The following LINGO2 variants were observed in gnomAD, a reference collection of about 807,000 sequenced individuals.
LINGO2 encodes leucine-rich repeat and immunoglobulin-like domain-containing nogo receptor-interacting protein 2.
Under a neutral mutation model 30.6 loss-of-function variants are expected in LINGO2, and 14 were observed. That is an observed-to-expected ratio of 0.46 (90% confidence interval 0.30 to 0.72). The LOEUF is 0.72. Ranked by LOEUF, LINGO2 falls within the 30% of genes least tolerant of loss-of-function variation. The pLI is 0.07. For missense variants in LINGO2, 729 were observed against 751.7 expected (o/e 0.97, Z 0.35); for synonymous variants, 317 against 288.5 (o/e 1.10, Z -1.00).
At chr9:28,676,414 T>C in the LINGO2 span, among the ~76,000 whole-genome samples, 2 of 152,154 alleles carry the variant, frequency 1.3e-5, no homozygotes, top group African/African-American at 2.4e-5. Flanking sequence ...TACTACTTGA[T>C]TGACTCTCTC....
the LINGO2 span, among the ~76,000 whole-genome samples, chr9:28,893,235 G>C: frequency 6.6e-6 from 1 of 151,378 alleles, no homozygotes; most frequent in African/African-American, 2.4e-5. Flanking sequence ...GCATGAATTG[G>C]GACCGTATTA....
At chr9:28,008,117 C>G (rs1822358885) in intron 5 of LINGO2, among the ~76,000 whole-genome samples, 1 of 152,140 alleles carries the variant, frequency 6.6e-6, no homozygotes, top group Admixed American at 6.6e-5. Context: ...CCTTCACTCT[C>G]AGGAGAGGTC....
Position 28,478,921 on chromosome 9 carries a change from C to T in LINGO2, c.-364-2896G>A, listed in dbSNP as rs958026574. Among the ~76,000 whole-genome samples the T allele has an allele frequency of 5.3e-5, 8 of 152,070 alleles. 1 individual carries two copies. In the South Asian group the frequency reaches 1.4e-3, roughly 28 times the overall value. ...TATTTGAGCTAACTTCTGCACTTTT[C>T]TGTGCTTTTTTCTATATTTCTGATT... On this transcript the variant is annotated intron_variant, in intron 1 of 5. Transcript: ENST00000379992.
intron 4 of LINGO2, among the ~76,000 whole-genome samples, chr9:28,173,924 C>A (rs529637706): frequency 6.6e-6 from 1 of 152,226 alleles, no homozygotes; most frequent in Non-Finnish European, 1.5e-5. Context: ...TTATAGCAAT[C>A]TCTGCTTTAA....
chr9:28,873,684 G>A, the LINGO2 span, among the ~76,000 whole-genome samples: 1 of 151,960 alleles, frequency 6.6e-6, no homozygotes, highest in Non-Finnish European at 1.5e-5. Flanking sequence ...TTCAAGTTAT[G>A]AACTCATATA....
At chr9:29,188,565 G>C in the LINGO2 span, among the ~76,000 whole-genome samples, 2 of 152,108 alleles carry the variant, frequency 1.3e-5, no homozygotes, top group Non-Finnish European at 2.9e-5. Context: ...TGTCATCATG[G>C]CCCGTTCTCA....
intron 1 of LINGO2, among the ~76,000 whole-genome samples, chr9:28,648,036 T>C (rs1827920114): frequency 6.6e-6 from 1 of 151,986 alleles, no homozygotes; most frequent in South Asian, 2.1e-4. Context: ...CGTGAGATGC[T>C]TAAGCACAAG....
rs181596856 is a variant in LINGO2, at chr9:28,217,089, T to C, written c.-87+78119A>G. On this transcript the variant is annotated intron_variant, in intron 4 of 5. Transcript: ENST00000379992. ...ATCAGTGCTGATGTCAATAAATTCA[T>C]GATAAAATATATAATATGTAATATA... Among the ~76,000 whole-genome samples, 1,298 of 150,722 alleles carry C rather than the reference T, an allele frequency of 8.6e-3. 26 individuals carry two copies. The highest frequency in any genetic ancestry group is 0.029 in the African/African-American group (1,207 of 41,300).
At chr9:28,728,409 G>GA in the LINGO2 span, among the ~76,000 whole-genome samples, 9 of 150,352 alleles carry the variant, frequency 6.0e-5, no homozygotes, top group East Asian at 7.8e-4. Flanking sequence ...AATTGCAAAT[G>GA]AAAAAAAAGA....
chr9:28,692,436 G>C, the LINGO2 span, among the ~76,000 whole-genome samples: 1 of 152,014 alleles, frequency 6.6e-6, no homozygotes, highest in Non-Finnish European at 1.5e-5. Context: ...GATCGTGCCA[G>C]TTCACTTAAG....
chr9:28,502,843 G>A (rs1021788524), intron 1 of LINGO2, among the ~76,000 whole-genome samples: 3 of 152,036 alleles, frequency 2.0e-5, no homozygotes, highest in Non-Finnish European at 4.4e-5. Flanking sequence ...TTTCGGGAGA[G>A]TAGCACATTA....
At chr9:27,971,644 C>T (rs1820362046) in intron 5 of LINGO2, among the ~76,000 whole-genome samples, 1 of 152,188 alleles carries the variant, frequency 6.6e-6, no homozygotes, top group Admixed American at 6.5e-5. Flanking sequence ...CCACCTCAGC[C>T]TCCCAAAGTG....
chr9:28,773,366 G>GA, the LINGO2 span, among the ~76,000 whole-genome samples: 4,111 of 132,138 alleles, frequency 0.031, 85 homozygotes, highest in Middle Eastern at 0.048. Flanking sequence ...CTCCATCTCA[G>GA]AAAAAAAAAA....
the LINGO2 span, among the ~76,000 whole-genome samples, chr9:28,801,108 T>C: frequency 6.6e-6 from 1 of 152,082 alleles, no homozygotes; most frequent in Non-Finnish European, 1.5e-5. Flanking sequence ...AAGGATCTCA[T>C]TTTGAAGCAT....
chr9:28,932,621 A>G, the LINGO2 span, among the ~76,000 whole-genome samples: 1,600 of 152,248 alleles, frequency 0.011, 33 homozygotes, highest in African/African-American at 0.036. Flanking sequence ...TGGGTTGTCT[A>G]ACAAGTCCCT....
chr9:28,905,242 T>G, the LINGO2 span, among the ~76,000 whole-genome samples: 1 of 149,524 alleles, frequency 6.7e-6, no homozygotes, highest in Non-Finnish European at 1.5e-5. Context: ...CAACAAATAT[T>G]CATACCCTTT....
the LINGO2 span, among the ~76,000 whole-genome samples, chr9:28,774,087 C>CT: frequency 2.4e-4 from 36 of 149,594 alleles, no homozygotes; most frequent in African/African-American, 8.6e-4. Flanking sequence ...CACACACTTA[C>CT]TTTAGCATCT....
intron 5 of LINGO2, among the ~76,000 whole-genome samples, chr9:28,004,646 T>G (rs541245361): frequency 6.6e-6 from 1 of 152,084 alleles, no homozygotes; most frequent in South Asian, 2.1e-4. Flanking sequence ...CCCCAGAGTT[T>G]GAAACATTCT....
the LINGO2 span, among the ~76,000 whole-genome samples, chr9:29,116,077 G>T: frequency 2.0e-5 from 3 of 151,854 alleles, no homozygotes; most frequent in East Asian, 5.8e-4. Flanking sequence ...AGAAATCAGA[G>T]GATAAGCTGG....
Sources: allele counts gnomAD v4.1 joint callset (sites outside exome capture counted in the v4.1 genomes callset), GRCh38; gene constraint gnomAD v4.1.1; transcripts MANE v1.5; gene names NCBI Gene and HGNC (gene_info 2026-07-23, HGNC 2026-07-21).